The following NIPA2 variants were observed in gnomAD, a reference collection of about 807,000 sequenced individuals.
NIPA2 encodes magnesium transporter NIPA2.
A neutral mutation model predicts 29.7 loss-of-function variants in NIPA2; 11 were observed. The ratio of observed to expected loss-of-function variants is 0.37; its 90% CI spans 0.23 to 0.61. The LOEUF is 0.61. Among genes scored for constraint, NIPA2 ranks in the 20% least tolerant of loss-of-function variants. The pLI, the probability that NIPA2 is intolerant of heterozygous loss-of-function variation, is 0.66. For synonymous variants in NIPA2, 183 were observed against 161.9 expected (o/e 1.13, Z -0.99); for missense variants, 426 against 437.9 (o/e 0.97, Z 0.24).
At chr15:22,853,628 G>A (rs1402100810) in intron 5 of NIPA2, among the ~76,000 whole-genome samples, 2 of 151,956 alleles carry the variant, frequency 1.3e-5, no homozygotes, top group Non-Finnish European at 2.9e-5. Context: ...CACCTGCCTT[G>A]CCCTCGCAAA....
intron 2 of NIPA2, among the ~76,000 whole-genome samples, chr15:22,841,566 C>G (rs567011534): frequency 6.6e-6 from 1 of 152,184 alleles, no homozygotes; most frequent in East Asian, 1.9e-4. Context: ...TAGAGTGCAG[C>G]TGTGCGATCT....
intron 4 of NIPA2, 112 bp from the exon 5 acceptor site, chr15:22,853,100 C>T (rs1160810062): frequency 2.9e-6 from 2 of 695,210 alleles, no homozygotes; most frequent in African/African-American, 1.8e-5. Flanking sequence ...ATGCAGAAAC[C>T]TTTATTTAAA....
chr15:22,845,240 AT>A lies in NIPA2; in HGVS notation c.-119del, dbSNP rs763801155. 1.3e-5 allele frequency: 2 copies of A among 152,088 alleles called. No individual in the cohort carries two copies. The highest frequency in any genetic ancestry group is 2.9e-5 in the Non-Finnish European group (2 of 68,002). 9.4% of individuals were successfully genotyped at this position (152,088 alleles called of 1,614,324 possible). On this transcript the variant is annotated 5_prime_UTR_variant, in exon 3 of 8. Coordinates refer to ENST00000337451, the MANE Select transcript of NIPA2 (RefSeq NM_030922.7). ...TGAAGCAACTCATTCCTTTCAGGACATTCCCTCTGATGTCCTATTTTCAAAC... is the reference window on the plus strand; with the variant it reads ...TGAAGCAACTCATTCCTTTCAGGACATCCCTCTGATGTCCTATTTTCAAAC...
At chr15:22,844,630 C>G (rs531699534) in intron 2 of NIPA2, among the ~76,000 whole-genome samples, 1 of 152,114 alleles carries the variant, frequency 6.6e-6, no homozygotes, top group East Asian at 1.9e-4. Context: ...TGGTATACGC[C>G]TGTGGTCCTG....
intron 5 of NIPA2, among the ~76,000 whole-genome samples, chr15:22,855,123 T>G (rs1314092310): frequency 6.6e-6 from 1 of 151,584 alleles, no homozygotes; most frequent in Non-Finnish European, 1.5e-5. Context: ...TGGAAAAAAA[T>G]TATTCTGGGC....
intron 5 of NIPA2, among the ~76,000 whole-genome samples, chr15:22,857,808 G>A (rs1349800691): frequency 7.6e-6 from 1 of 131,458 alleles, no homozygotes; most frequent in Non-Finnish European, 1.5e-5. Context: ...CTGCATTCCA[G>A]CCTGGGCGAT....
chr15:22,867,253 A>G lies in NIPA2; in HGVS notation c.*406A>G. ...TTTTTTATTTTAAAAAAACAGAGTTATCCCAATACATTATCCTGTGATTTA... is the reference window on the plus strand; with the variant it reads ...TTTTTTATTTTAAAAAAACAGAGTTGTCCCAATACATTATCCTGTGATTTA... On this transcript the variant is annotated 3_prime_UTR_variant, in exon 8 of 8. Coordinates refer to ENST00000337451, the MANE Select transcript of NIPA2 (RefSeq NM_030922.7). 2.5e-6 allele frequency: 1 copy of G among 402,796 alleles called. No homozygotes were observed. The highest frequency in any genetic ancestry group is 4.4e-6 in the Non-Finnish European group (1 of 228,890). The allele number at this position is 402,796 out of a possible 1,614,324, so 25.0% of individuals were successfully genotyped here.
intron 2 of NIPA2, among the ~76,000 whole-genome samples, chr15:22,844,192 A>G (rs1897938385): frequency 6.6e-6 from 1 of 152,160 alleles, no homozygotes; most frequent in South Asian, 2.1e-4. Context: ...TTTGAGATGT[A>G]TTTATTCCAT....
At chr15:22,842,788 C>T (rs1555378025) in intron 2 of NIPA2, among the ~76,000 whole-genome samples, 1 of 150,226 alleles carries the variant, frequency 6.7e-6, no homozygotes, top group Non-Finnish European at 1.5e-5. Context: ...AAGATTGCGC[C>T]AGCGCACTCC....
intron 7 of NIPA2, among the ~76,000 whole-genome samples, chr15:22,865,268 C>T (rs1406884863): frequency 1.3e-5 from 2 of 151,688 alleles, no homozygotes; most frequent in African/African-American, 2.4e-5. Context: ...GGGTGGATCA[C>T]GAGGTCAGGA....
intron 6 of NIPA2, among the ~76,000 whole-genome samples, chr15:22,859,379 A>G (rs914006104): frequency 7.6e-6 from 1 of 131,096 alleles, no homozygotes; most frequent in Non-Finnish European, 1.5e-5. Context: ...TGCAAGCTCC[A>G]CCTCCCGGGT....
intron 2 of NIPA2, among the ~76,000 whole-genome samples, chr15:22,840,376 C>A (rs1896737627): frequency 6.7e-6 from 1 of 149,726 alleles, no homozygotes; most frequent in South Asian, 2.1e-4. Context: ...CTGCTCACTG[C>A]AACCTCCGCC....
chr15:22,867,163 T>C lies in NIPA2; in HGVS notation c.*316T>C, dbSNP rs985337260. On this transcript the variant is annotated 3_prime_UTR_variant, in exon 8 of 8. Transcript: ENST00000337451. Reference sequence around the variant, plus strand: ...CTATGAAAATGCTTTATTTTTTCATTGGTGATGAAAGTCTGAAATGTGCAT... The same window carrying C: ...CTATGAAAATGCTTTATTTTTTCATCGGTGATGAAAGTCTGAAATGTGCAT... 1 of 447,112 alleles carries C rather than the reference T, an allele frequency of 2.2e-6. No individual in the cohort carries two copies. The highest frequency in any genetic ancestry group is 3.9e-6 in the Non-Finnish European group (1 of 256,028). 27.7% of individuals were successfully genotyped at this position (447,112 alleles called of 1,614,324 possible). A position where few individuals can be genotyped will look rare whatever the true frequency, so the allele number is the denominator to read the frequency against.
chr15:22,866,182 G>T, intron 7 of NIPA2, 31 bp from the exon 8 acceptor site: 1 of 1,585,406 alleles, frequency 6.3e-7, no homozygotes, highest in South Asian at 1.1e-5. Context: ...CCAACCATTT[G>T]ACTCATGTAA....
At chr15:22,854,821 C>CAGGT (rs2058063091) in intron 5 of NIPA2, among the ~76,000 whole-genome samples, 1 of 152,048 alleles carries the variant, frequency 6.6e-6, no homozygotes, top group Non-Finnish European at 1.5e-5. Context: ...TGTTATTCAC[C>CAGGT]AGGTATTCAA....
At chr15:22,861,936 C>T (rs2058649548) in intron 7 of NIPA2, among the ~76,000 whole-genome samples, 1 of 151,944 alleles carries the variant, frequency 6.6e-6, no homozygotes, top group South Asian at 2.1e-4. Context: ...CAAGGTTTTA[C>T]CATGTTGGCC....
chr15:22,862,112 A>ATCTCGGCTCACTGC, intron 7 of NIPA2, among the ~76,000 whole-genome samples: 1 of 138,626 alleles, frequency 7.2e-6, no homozygotes, highest in South Asian at 2.4e-4. Context: ...CAATGGCGTG[A>ATCTCGGCTCACTGC]TCTCGGCTCA....
At position 22,867,478 on chromosome 15, in the gene NIPA2, C is replaced by G. The variant is rs1566888140; in HGVS notation, c.*631C>G. On this transcript the variant is annotated 3_prime_UTR_variant, in exon 8 of 8. Transcript: ENST00000337451. Reference sequence around the variant, plus strand: ...CCGGCTTCCTCTGAGCATTCGATGGCCTTAGCACCTCATCAAGCCAGCACA... The same window carrying G: ...CCGGCTTCCTCTGAGCATTCGATGGGCTTAGCACCTCATCAAGCCAGCACA... 1 of 318,294 alleles carries G rather than the reference C, an allele frequency of 3.1e-6. No homozygotes were observed. Among genetic ancestry groups the G allele is most frequent in the Non-Finnish European group, 5.6e-6 (1 of 177,032 alleles). The allele number at this position is 318,294 out of a possible 1,614,324, so 19.7% of individuals were successfully genotyped here.
chr15:22,852,292 C>T (rs2057810695), intron 4 of NIPA2, among the ~76,000 whole-genome samples: 1 of 151,974 alleles, frequency 6.6e-6, no homozygotes. Flanking sequence ...CATGGTGAAA[C>T]CCCATCTCTA....
Sources: allele counts gnomAD v4.1 joint callset (sites outside exome capture counted in the v4.1 genomes callset), GRCh38; gene constraint gnomAD v4.1.1; transcripts MANE v1.5; gene names NCBI Gene and HGNC (gene_info 2026-07-23, HGNC 2026-07-21).